The following GALNTL6 variants were observed in gnomAD, a reference collection of about 807,000 sequenced individuals.
GALNTL6 encodes the protein polypeptide N-acetylgalactosaminyltransferase like 6.
A neutral mutation model predicts 73.7 loss-of-function variants in GALNTL6; 46 were observed. That is an observed-to-expected ratio of 0.62 (90% CI 0.49 to 0.80). The LOEUF (loss-of-function observed/expected upper bound fraction) is 0.80. Ranked by LOEUF, GALNTL6 falls within the 30% of genes least tolerant of loss-of-function variation. The pLI is 0.00. For missense variants in GALNTL6, 604 were observed against 755.0 expected, an observed-to-expected ratio of 0.80 and a Z score of 2.34; for synonymous variants, 259 against 263.7, an observed-to-expected ratio of 0.98 and a Z score of 0.17.
intron 5 of GALNTL6, among the ~76,000 whole-genome samples, chr4:172,483,042 A>G (rs1733546307): frequency 1.3e-5 from 2 of 152,214 alleles, no homozygotes; most frequent in African/African-American, 4.8e-5. Flanking sequence ...GGAGAGGACA[A>G]TTGAAAAATT....
At chr4:172,178,851 T>C (rs1418161567) in intron 2 of GALNTL6, among the ~76,000 whole-genome samples, 1 of 114,520 alleles carries the variant, frequency 8.7e-6, no homozygotes, top group African/African-American at 3.5e-5. Context: ...TTCCCCTTCC[T>C]GTGTCCATGT....
At chr4:171,909,809 G>C (rs532967548) in intron 2 of GALNTL6, among the ~76,000 whole-genome samples, 1 of 152,064 alleles carries the variant, frequency 6.6e-6, no homozygotes, top group African/African-American at 2.4e-5. Flanking sequence ...GTGTATGACT[G>C]CATTGTAAAC....
chr4:173,037,559 G>A (rs1369912187), intron 12 of GALNTL6, among the ~76,000 whole-genome samples: 1 of 152,192 alleles, frequency 6.6e-6, no homozygotes. Flanking sequence ...TGATGGTTCA[G>A]AAAATAATGT....
At chr4:172,294,780 T>C (rs1739607615) in intron 3 of GALNTL6, among the ~76,000 whole-genome samples, 1 of 152,146 alleles carries the variant, frequency 6.6e-6, no homozygotes, top group Non-Finnish European at 1.5e-5. Flanking sequence ...TTAACAGGAT[T>C]TCTCCTGCAT....
chr4:171,926,068 A>T (rs75461695), intron 2 of GALNTL6, among the ~76,000 whole-genome samples: 6,720 of 152,184 alleles, frequency 0.044, 397 homozygotes, highest in African/African-American at 0.14. Flanking sequence ...TATGCCTTAT[A>T]TACTTCACAT....
intron 2 of GALNTL6, among the ~76,000 whole-genome samples, chr4:171,959,621 C>T (rs1448002372): frequency 6.6e-6 from 1 of 152,158 alleles, no homozygotes; most frequent in Non-Finnish European, 1.5e-5. Flanking sequence ...GAGGCTGAGG[C>T]AGGAGAAATC....
At chr4:172,229,599 C>T in intron 2 of GALNTL6, 57 bp from the exon 3 acceptor site, 10 of 1,020,586 alleles carry the variant, frequency 9.8e-6, no homozygotes, top group Non-Finnish European at 1.5e-5. Context: ...CTGTGTTTAC[C>T]TACCATGCAA....
At chr4:172,081,864 A>C (rs547676088) in intron 2 of GALNTL6, among the ~76,000 whole-genome samples, 2 of 142,986 alleles carry the variant, frequency 1.4e-5, no homozygotes, top group African/African-American at 5.3e-5. Flanking sequence ...TTTTTTCTTT[A>C]TTTATTTATT....
intron 5 of GALNTL6, among the ~76,000 whole-genome samples, chr4:172,355,813 C>G (rs1742133400): frequency 6.6e-6 from 1 of 152,048 alleles, no homozygotes; most frequent in Non-Finnish European, 1.5e-5. Context: ...CAGTTTTGCT[C>G]TCTTCTCAAA....
intron 2 of GALNTL6, among the ~76,000 whole-genome samples, chr4:171,885,020 G>A (rs1736568095): frequency 6.6e-6 from 1 of 150,510 alleles, no homozygotes; most frequent in South Asian, 2.1e-4. Flanking sequence ...TTGTGCTGCT[G>A]CACTCCAGCC....
chr4:172,451,753 C>A (rs1009193328), intron 5 of GALNTL6, among the ~76,000 whole-genome samples: 1 of 152,108 alleles, frequency 6.6e-6, no homozygotes, highest in Non-Finnish European at 1.5e-5. Context: ...TGCCTGTAAT[C>A]CCAGCACTTT....
At position 173,018,346 on chromosome 4, in the gene GALNTL6, A is replaced by C. The variant is rs147886457; in HGVS notation, c.1489-3130A>C. ...ATTAAACAGCACAAACTCATTTGAG[A>C]GACTAAAAAGAGATTCATTAATTTT... On this transcript the variant is annotated intron_variant, in intron 11 of 12. Coordinates refer to ENST00000506823, the MANE Select transcript of GALNTL6 (RefSeq NM_001034845.3). Among the ~76,000 whole-genome samples the C allele has an allele frequency of 2.6e-5, 4 of 152,328 alleles. No individual in the cohort carries two copies. The East Asian group carries it at 5.8e-4, about 22-fold the overall frequency.
At chr4:172,042,655 TA>T (rs112209115) in intron 2 of GALNTL6, among the ~76,000 whole-genome samples, 1 of 151,352 alleles carries the variant, frequency 6.6e-6, no homozygotes, top group Non-Finnish European at 1.5e-5. Context: ...CTGCTTTTTT[TA>T]AAAAAAATAT....
Position 172,910,952 on chromosome 4 carries a change from G to T in GALNTL6, c.1042-20209G>T, listed in dbSNP as rs570364480. Among the ~76,000 whole-genome samples the T allele has an allele frequency of 4.6e-5, 7 of 152,274 alleles. No individual in the cohort carries two copies. In the South Asian group the frequency reaches 1.0e-3, roughly 23 times the overall value. On this transcript the variant is annotated intron_variant, in intron 8 of 12. Transcript: ENST00000506823. ...AGAAACTACAAAACATGACACACCGGCATCCTAAAGAAAGGGGTTGTTTCT... is the reference window on the plus strand; with the variant it reads ...AGAAACTACAAAACATGACACACCGTCATCCTAAAGAAAGGGGTTGTTTCT...
chr4:172,754,713 T>C (rs981321747), intron 5 of GALNTL6, among the ~76,000 whole-genome samples: 2 of 152,122 alleles, frequency 1.3e-5, no homozygotes, highest in African/African-American at 4.8e-5. Flanking sequence ...TTAATGATTG[T>C]TATAGTTAGA....
chr4:172,758,162 ATAGAG>A (rs1737858760), intron 5 of GALNTL6, among the ~76,000 whole-genome samples: 2 of 152,262 alleles, frequency 1.3e-5, no homozygotes, highest in African/African-American at 2.4e-5. Context: ...CATGAAAAGT[ATAGAG>A]TATTGTATAC....
At chr4:172,645,902 G>A (rs1286502888) in intron 5 of GALNTL6, among the ~76,000 whole-genome samples, 2 of 151,906 alleles carry the variant, frequency 1.3e-5, no homozygotes, top group East Asian at 1.9e-4. Context: ...CTAAGTCTCT[G>A]AGTCTTCAGA....
intron 8 of GALNTL6, among the ~76,000 whole-genome samples, chr4:172,922,512 GA>G (rs373005485): frequency 1.7e-4 from 26 of 149,962 alleles, no homozygotes; most frequent in Admixed American, 6.6e-4. Context: ...TTGGCAGACT[GA>G]AAAAAAAATA....
chr4:172,444,549 C>T (rs951639657), intron 5 of GALNTL6, among the ~76,000 whole-genome samples: 2 of 151,928 alleles, frequency 1.3e-5, no homozygotes, highest in Non-Finnish European at 2.9e-5. Flanking sequence ...TGCCTCAGAC[C>T]TTGTTATTTC....
Sources: allele counts gnomAD v4.1 joint callset (sites outside exome capture counted in the v4.1 genomes callset), GRCh38; gene constraint gnomAD v4.1.1; transcripts MANE v1.5; gene names NCBI Gene and HGNC (gene_info 2026-07-23, HGNC 2026-07-21).